Variants in CSNK2A1 observed in about 807,000 individuals in gnomAD.
The protein encoded by CSNK2A1 is casein kinase II subunit alpha.
Under a neutral mutation model 62.9 loss-of-function variants are expected in CSNK2A1, and 10 were observed. The observed-to-expected ratio is 0.16, with a 90% CI of 0.10 to 0.27. The LOEUF (loss-of-function observed/expected upper bound fraction) is 0.27. Among genes scored for constraint, CSNK2A1 ranks in the 10% least tolerant of loss-of-function variants. CSNK2A1 has a pLI of 1.00. For synonymous variants in CSNK2A1, 124 were observed against 167.8 expected (o/e 0.74, Z 2.02); for missense variants, 160 against 492.0 (o/e 0.33, Z 6.38).
At chr20:498,052 G>C in intron 6 of CSNK2A1, 3 of 306,488 alleles carry the variant, frequency 9.8e-6, no homozygotes, top group South Asian at 8.5e-5. Flanking sequence ...AATATGCACT[G>C]ACACCCACCT....
At chr20:485,916 T>C (rs565585472) in intron 13 of CSNK2A1, among the ~76,000 whole-genome samples, 1 of 152,362 alleles carries the variant, frequency 6.6e-6, no homozygotes, top group South Asian at 2.1e-4. Context: ...AATGATCCAA[T>C]AATGGAAAAC....
chr20:500,045 T>C (rs781297700), intron 4 of CSNK2A1, 111 bp from the exon 5 acceptor site: 3 of 776,960 alleles, frequency 3.9e-6, no homozygotes, highest in Non-Finnish European at 6.3e-6. Context: ...GAGCACACCT[T>C]GAAGGAAGAA....
At chr20:514,235 T>C (rs994794519) in intron 2 of CSNK2A1, among the ~76,000 whole-genome samples, 1 of 151,860 alleles carries the variant, frequency 6.6e-6, no homozygotes, top group Admixed American at 6.6e-5. Flanking sequence ...TCCCAGGTAC[T>C]TGGTAGGCTG....
At chr20:523,631 C>T (rs1322792451) in intron 2 of CSNK2A1, among the ~76,000 whole-genome samples, 2 of 152,108 alleles carry the variant, frequency 1.3e-5, no homozygotes, top group Non-Finnish European at 1.5e-5. Flanking sequence ...GTGGCTCACG[C>T]CTGTAATCCC....
At chr20:493,194 G>T (rs1458874829) in intron 8 of CSNK2A1, among the ~76,000 whole-genome samples, 2 of 152,082 alleles carry the variant, frequency 1.3e-5, no homozygotes, top group Non-Finnish European at 2.9e-5. Context: ...ATTCACCCTG[G>T]ATTCTTGATT....
chr20:492,209 G>A (rs764662575), intron 9 of CSNK2A1, 45 bp downstream of exon 9: 19 of 1,527,724 alleles, frequency 1.2e-5, no homozygotes, highest in South Asian at 4.7e-5. Flanking sequence ...AATTATGTGC[G>A]AAATAAACAC....
chr20:518,632 T>C (rs1338661823), intron 2 of CSNK2A1, among the ~76,000 whole-genome samples: 2 of 151,974 alleles, frequency 1.3e-5, no homozygotes, highest in East Asian at 1.9e-4. Flanking sequence ...CTGCAAGCTC[T>C]GCTTCCTGGG....
chr20:505,706 G>C (rs1208955282), intron 3 of CSNK2A1, among the ~76,000 whole-genome samples: 1 of 149,138 alleles, frequency 6.7e-6, no homozygotes, highest in Admixed American at 6.7e-5. Flanking sequence ...TAAAATACGT[G>C]TGTTTCAAAT....
chr20:535,996 T>C lies in CSNK2A1; in HGVS notation c.-227+7676A>G, dbSNP rs149893139. On this transcript the variant is annotated intron_variant, in intron 1 of 13. Transcript: ENST00000217244. ...GACCTCTGATCTATATTTACAAGTC[T>C]ATAGGTGAGCAAAGGTAGACCTTTT... Among the ~76,000 whole-genome samples, 150 of 152,284 alleles carry C rather than the reference T, an allele frequency of 9.9e-4. No homozygotes were observed. The Middle Eastern group carries it at 0.02, about 21-fold the overall frequency.
At chr20:521,918 C>T (rs1205330784) in intron 2 of CSNK2A1, among the ~76,000 whole-genome samples, 2 of 152,148 alleles carry the variant, frequency 1.3e-5, no homozygotes, top group African/African-American at 2.4e-5. Context: ...GTGAAGAAGC[C>T]AGAAACAAAA....
rs1473622782 is a variant in CSNK2A1, at chr20:477,047, C to T, written c.*6914G>A. ...CTAGCACTACAGGCATGTGCCACCA[C>T]ATCCAGCTAATTTTTAATTTTGGTA... On this transcript the variant is annotated 3_prime_UTR_variant, in exon 14 of 14. Coordinates refer to ENST00000217244, the MANE Select transcript of CSNK2A1 (RefSeq NM_177559.3). 2.0e-5 allele frequency: 3 copies of T among 152,314 alleles called. No homozygotes were observed. Among genetic ancestry groups the T allele is most frequent in the Non-Finnish European group, 4.4e-5 (3 of 68,256 alleles). The allele number at this position is 152,314 out of a possible 1,614,324, so 9.4% of individuals were successfully genotyped here. A position where few individuals can be genotyped will look rare whatever the true frequency, so the allele number is the denominator to read the frequency against.
intron 1 of CSNK2A1, among the ~76,000 whole-genome samples, chr20:541,507 T>A (rs1457005798): frequency 6.6e-6 from 1 of 152,222 alleles, no homozygotes; most frequent in East Asian, 1.9e-4. Flanking sequence ...TACATACATA[T>A]GTCTTTACTT....
At position 504,699 on chromosome 20, in the gene CSNK2A1, G is replaced by A. The variant is rs114191776; in HGVS notation, c.213+419C>T. The A allele has an allele frequency of 6.5e-3, 1,076 of 165,040 alleles. 12 individuals are homozygous for A. Among genetic ancestry groups the A allele is most frequent in the African/African-American group, 0.024 (1,013 of 42,134 alleles). The allele number at this position is 165,040 out of a possible 1,614,324, so 10.2% of individuals were successfully genotyped here. A position where few individuals can be genotyped will look rare whatever the true frequency, so the allele number is the denominator to read the frequency against. On this transcript the variant is annotated intron_variant, in intron 4 of 13. Coordinates refer to ENST00000217244, the MANE Select transcript of CSNK2A1 (RefSeq NM_177559.3). ...CTACCACTCACATCACCTAAGCAAG[G>A]GCAATTACACCCGACTAGCTGCACT...
At chr20:502,058 C>G (rs138492381) in intron 4 of CSNK2A1, 1 of 152,160 alleles carries the variant, frequency 6.6e-6, no homozygotes, top group South Asian at 2.1e-4. Flanking sequence ...GTGCAGTGTT[C>G]AGAAAAGCAT....
At chr20:500,519 A>G (rs1188057861) in intron 4 of CSNK2A1, 1 of 153,746 alleles carries the variant, frequency 6.5e-6, no homozygotes, top group African/African-American at 2.4e-5. Context: ...AAAATGAGTA[A>G]CAAGAGTACC....
At chr20:484,314 A>G (rs1439890555) in intron 13 of CSNK2A1, among the ~76,000 whole-genome samples, 1 of 152,240 alleles carries the variant, frequency 6.6e-6, no homozygotes, top group Non-Finnish European at 1.5e-5. Context: ...GAGTTTGTCC[A>G]AAGTACACGA....
In CSNK2A1 at chr20:482,561, C is replaced by T. The variant is rs2017974976; in HGVS notation, c.*1400G>A. 2 of 152,190 alleles carry T rather than the reference C, an allele frequency of 1.3e-5. No homozygotes were observed. 9.4% of individuals were successfully genotyped at this position (152,190 alleles called of 1,614,324 possible). ...TAAGGCCTCTCTGCTCTGCCCGGTA[C>T]CATGGGTCGAACGAGGGGTGTATAA... On this transcript the variant is annotated 3_prime_UTR_variant, in exon 14 of 14. Transcript: ENST00000217244.
chr20:484,411 T>G (rs1011610864), intron 13 of CSNK2A1, among the ~76,000 whole-genome samples: 2 of 152,210 alleles, frequency 1.3e-5, no homozygotes, highest in Non-Finnish European at 2.9e-5. Flanking sequence ...GCCAACCACA[T>G]GTGGCTGCTG....
intron 8 of CSNK2A1, among the ~76,000 whole-genome samples, chr20:493,672 TTGTG>T (rs1372810179): frequency 6.6e-6 from 1 of 152,202 alleles, no homozygotes; most frequent in Non-Finnish European, 1.5e-5. Context: ...ACGCATGTGT[TTGTG>T]TGTGTGTTTC....
Sources: allele counts gnomAD v4.1 joint callset (sites outside exome capture counted in the v4.1 genomes callset), GRCh38; gene constraint gnomAD v4.1.1; transcripts MANE v1.5; gene names NCBI Gene and HGNC (gene_info 2026-07-23, HGNC 2026-07-21).